The following ARAP2 variants were observed in gnomAD, a reference collection of about 807,000 sequenced individuals.
ARAP2 encodes the protein arf-GAP with Rho-GAP domain, ANK repeat and PH domain-containing protein 2.
ARAP2 carries 148 observed loss-of-function variants against 194.5 expected under a neutral mutation model. That is an observed-to-expected ratio of 0.76 (90% CI 0.67 to 0.87). ARAP2 has a LOEUF of 0.87. Among genes scored for constraint, ARAP2 ranks in the 40% least tolerant of loss-of-function variants. The pLI is 0.00. For missense variants in ARAP2, 2,128 were observed against 1,989.7 expected (o/e 1.07, Z -1.32); for synonymous variants, 695 against 683.5 (o/e 1.02, Z -0.26).
intron 2 of ARAP2, among the ~76,000 whole-genome samples, chr4:36,218,952 G>A (rs1489467730): frequency 6.6e-6 from 1 of 152,190 alleles, no homozygotes; most frequent in Non-Finnish European, 1.5e-5. Context: ...AGATATAAAT[G>A]TAGCAAAAGG....
At chr4:36,145,568 G>A (rs926366925) in intron 19 of ARAP2, among the ~76,000 whole-genome samples, 3 of 151,890 alleles carry the variant, frequency 2.0e-5, no homozygotes, top group African/African-American at 7.2e-5. Flanking sequence ...ACTACCTATT[G>A]GGTGCTACGG....
rs188075689 is a variant in ARAP2, at chr4:36,173,436, C to T, written c.1857+4391G>A. 6.6e-4 allele frequency among the ~76,000 whole-genome samples: 101 copies of T among 152,124 alleles called. 1 individual carries two copies. The highest frequency in any genetic ancestry group is 2.0e-3 in the African/African-American group (84 of 41,494). On this transcript the variant is annotated intron_variant, in intron 9 of 32. Coordinates refer to ENST00000303965, the MANE Select transcript of ARAP2 (RefSeq NM_015230.4). The stretch of plus-strand genomic sequence containing the variant: ...ACAAAATAATTTTTGTTCCAGAATA[C>T]GGAAGCTCTATCAGCTTTGAACAGA...
At chr4:36,117,675 A>T in intron 24 of ARAP2, among the ~76,000 whole-genome samples, 1 of 151,698 alleles carries the variant, frequency 6.6e-6, no homozygotes, top group East Asian at 1.9e-4. Flanking sequence ...AAAACTACAA[A>T]TAACATAAAT....
rs73809109 is a variant in ARAP2 at position 36,134,399 on chromosome 4, A to G, written c.3264-1010T>C. On this transcript the variant is annotated intron_variant, in intron 19 of 32. Coordinates refer to ENST00000303965, the MANE Select transcript of ARAP2 (RefSeq NM_015230.4). Reference sequence around the variant, plus strand: ...ACCACTGCCACATGTCTTCAGTCACAAAATTCTGTTGACTACAGTTTCCCA... The same window carrying G: ...ACCACTGCCACATGTCTTCAGTCACGAAATTCTGTTGACTACAGTTTCCCA... 5.3e-3 allele frequency among the ~76,000 whole-genome samples: 802 copies of G among 151,734 alleles called. 10 individuals are homozygous for G. The highest frequency in any genetic ancestry group is 0.018 in the African/African-American group (755 of 41,440).
intron 26 of ARAP2, among the ~76,000 whole-genome samples, chr4:36,113,790 C>T (rs73125312): frequency 0.021 from 3,125 of 151,982 alleles, 65 homozygotes; most frequent in East Asian, 0.077. Flanking sequence ...GAAGCTTCTG[C>T]TGCTCTTAAA....
chr4:36,162,007 C>T (rs1734145996), intron 11 of ARAP2, among the ~76,000 whole-genome samples: 1 of 151,448 alleles, frequency 6.6e-6, no homozygotes, highest in Non-Finnish European at 1.5e-5. Context: ...ACTCGGGAGG[C>T]TGAGGCAGGA....
Position 36,067,751 on chromosome 4 carries a change from A to G in ARAP2, c.*156T>C. On this transcript the variant is annotated 3_prime_UTR_variant, in exon 33 of 33. Coordinates refer to ENST00000303965, the MANE Select transcript of ARAP2 (RefSeq NM_015230.4). ...ATCTTACATTCAGTCACATATATAC[A>G]TATTTTTAAATGCTCCTTAAATGCC... The G allele has an allele frequency of 2.7e-6, 2 of 741,730 alleles. No homozygotes were observed. The highest frequency in any genetic ancestry group is 2.1e-5 in the South Asian group (1 of 47,332). The allele number at this position is 741,730 out of a possible 1,614,324, so 45.9% of individuals were successfully genotyped here. A position where few individuals can be genotyped will look rare whatever the true frequency, so the allele number is the denominator to read the frequency against.
intron 6 of ARAP2, among the ~76,000 whole-genome samples, chr4:36,196,173 T>C (rs1249118314): frequency 1.3e-5 from 2 of 151,718 alleles, no homozygotes; most frequent in Non-Finnish European, 2.9e-5. Flanking sequence ...TATTTTCACA[T>C]GTCTTACTTA....
At position 36,218,582 on chromosome 4, in the gene ARAP2, C is replaced by CCAATTCAAG. The variant is rs140968377; in HGVS notation, c.906-4103_906-4102insCTTGAATTG. On this transcript the variant is annotated intron_variant, in intron 2 of 32. Transcript: ENST00000303965. ...AAATTTACTCCTACCTCAGACAATA[C>CCAATTCAAG]ACAGAAACCAATTCAAGACAGATTA... Among the ~76,000 whole-genome samples the CCAATTCAAG allele has an allele frequency of 1.0e-2, 1,518 of 152,158 alleles. 33 individuals carry two copies. Among genetic ancestry groups the CCAATTCAAG allele is most frequent in the African/African-American group, 0.035 (1,457 of 41,502 alleles).
intron 1 of ARAP2, among the ~76,000 whole-genome samples, chr4:36,058,556 C>G (rs966534422): frequency 1.3e-5 from 2 of 152,182 alleles, no homozygotes; most frequent in Non-Finnish European, 2.9e-5. Context: ...CACCCCTATT[C>G]CTCATTCCAG....
At chr4:36,055,671 C>T (rs1644470045) in intron 2 of ARAP2, among the ~76,000 whole-genome samples, 1 of 152,124 alleles carries the variant, frequency 6.6e-6, no homozygotes, top group Admixed American at 6.5e-5. Context: ...TCAACTGATT[C>T]TCCTACCTCA....
rs1750972947 is a variant in ARAP2, at chr4:36,229,258, A to G, written c.229T>C (p.Tyr77His). The G allele has an allele frequency of 1.2e-6, 2 of 1,613,906 alleles. No individual in the cohort carries two copies. Among genetic ancestry groups the G allele is most frequent in the Non-Finnish European group, 1.7e-6 (2 of 1,179,932 alleles). ...TTCTTAGTTTTATGAACATTTGCATATATTGGAATATCTTGCATTTTTGAC... is the reference window on the plus strand; with the variant it reads ...TTCTTAGTTTTATGAACATTTGCATGTATTGGAATATCTTGCATTTTTGAC... ...ILSKMQDIPIYANVHKTKKND... is the reference protein window; with the variant it reads ...ILSKMQDIPIHANVHKTKKND... The change falls in exon 2 of 33, where the codon TAT (tyrosine) becomes CAT (histidine). Residue 77 changes from tyrosine to histidine, a missense_variant. Transcript: ENST00000303965.
chr4:36,011,327 C>T (rs1393791876), intron 9 of ARAP2, among the ~76,000 whole-genome samples: 1 of 152,040 alleles, frequency 6.6e-6, no homozygotes, highest in Non-Finnish European at 1.5e-5. Context: ...ATGAATTATA[C>T]AAATGTTTGA....
chr4:36,086,586 TTC>T (rs1318422400), intron 28 of ARAP2, among the ~76,000 whole-genome samples: 1 of 152,148 alleles, frequency 6.6e-6, no homozygotes, highest in African/African-American at 2.4e-5. Flanking sequence ...TATTACAACT[TTC>T]TCTTTTGGTA....
chr4:36,112,486 T>C (rs1263311225), intron 26 of ARAP2, among the ~76,000 whole-genome samples: 2 of 151,966 alleles, frequency 1.3e-5, no homozygotes, highest in Non-Finnish European at 2.9e-5. Context: ...TGGAAAGATA[T>C]TTCTGGCAAT....
chr4:36,239,749 G>A (rs1049338453), intron 1 of ARAP2, among the ~76,000 whole-genome samples: 14 of 152,080 alleles, frequency 9.2e-5, no homozygotes, highest in Admixed American at 5.2e-4. Flanking sequence ...ATGATAAGAC[G>A]GTAAATTTTA....
intron 6 of ARAP2, among the ~76,000 whole-genome samples, chr4:36,200,690 TAATA>T (rs1344421654): frequency 6.6e-6 from 1 of 152,194 alleles, no homozygotes; most frequent in African/African-American, 2.4e-5. Context: ...AAAATTAAAT[TAATA>T]AATATCAATG....
At chr4:36,046,027 G>A (rs1721781828) in exon 5 of ARAP2, 1 of 152,138 alleles carries the variant, frequency 6.6e-6, no homozygotes, top group African/African-American at 2.4e-5. Flanking sequence ...ATTTCAGAAT[G>A]CCTCACTCCA....
intron 11 of ARAP2, among the ~76,000 whole-genome samples, chr4:36,162,677 G>A (rs979813942): frequency 1.3e-5 from 2 of 149,086 alleles, no homozygotes; most frequent in African/African-American, 2.5e-5. Context: ...ATCTGCATAG[G>A]TTTGCATTTA....
Sources: allele counts gnomAD v4.1 joint callset (sites outside exome capture counted in the v4.1 genomes callset), GRCh38; gene constraint gnomAD v4.1.1; transcripts MANE v1.5; gene names NCBI Gene and HGNC (gene_info 2026-07-23, HGNC 2026-07-21).